The following SOX13 variants were observed in gnomAD, a reference collection of about 807,000 sequenced individuals.
SOX13 encodes the protein SRY-box transcription factor 13, also known as transcription factor SOX-13.
A neutral mutation model predicts 71.8 loss-of-function variants in SOX13; 28 were observed. The observed-to-expected ratio is 0.39, with a 90% confidence interval of 0.29 to 0.53. The LOEUF (loss-of-function observed/expected upper bound fraction) is 0.53, where lower values mean the gene tolerates loss of function less well. Among genes scored for constraint, SOX13 ranks in the 20% least tolerant of loss-of-function variants. The pLI is 0.70. For missense variants in SOX13, 627 were observed against 810.3 expected, an observed-to-expected ratio of 0.77 and a Z score of 2.75; for synonymous variants, 309 against 317.8, an observed-to-expected ratio of 0.97 and a Z score of 0.29.
chr1:204,110,609 A>G (rs1313220174), intron 1 of SOX13, among the ~76,000 whole-genome samples: 1 of 152,140 alleles, frequency 6.6e-6, no homozygotes, highest in Admixed American at 6.5e-5. Context: ...GGTTGAATCC[A>G]TGGATGTGGA....
intron 1 of SOX13, among the ~76,000 whole-genome samples, chr1:204,106,331 C>T (rs979115585): frequency 1.3e-5 from 2 of 152,126 alleles, no homozygotes; most frequent in Non-Finnish European, 2.9e-5. Flanking sequence ...ATAGTCCTAA[C>T]AGTATCCATC....
At chr1:204,079,455 C>T (rs977230460) in intron 1 of SOX13, among the ~76,000 whole-genome samples, 26 of 149,796 alleles carry the variant, frequency 1.7e-4, no homozygotes, top group African/African-American at 6.1e-4. Flanking sequence ...AAACAATTCT[C>T]CTGCCTCAGC....
chr1:204,077,235 G>A (rs1473190054), intron 1 of SOX13, among the ~76,000 whole-genome samples: 1 of 152,220 alleles, frequency 6.6e-6, no homozygotes, highest in Non-Finnish European at 1.5e-5. Context: ...GGAGAGACTG[G>A]AGAAATCAGA....
rs191518691 is a variant in SOX13, at chr1:204,081,470, G to A, written c.-2+7759G>A. On this transcript the variant is annotated intron_variant, in intron 1 of 13. Coordinates refer to ENST00000367204, the MANE Select transcript of SOX13 (RefSeq NM_005686.3). This position sits in a 1 kb window ranked among gnomAD's most constrained non-coding sequence, Gnocchi z 4.3. ...TGGTTGTGCAAATGTGTCAGACTGG[G>A]CTGATGCCCTTTCACGATGACAACT... Among the ~76,000 whole-genome samples the A allele has an allele frequency of 2.1e-3, 327 of 152,318 alleles. 1 individual carries two copies. Among genetic ancestry groups the A allele is most frequent in the Non-Finnish European group, 2.1e-3 (140 of 68,026 alleles).
At chr1:204,094,921 G>A (rs1461080331) in intron 1 of SOX13, among the ~76,000 whole-genome samples, 1 of 152,174 alleles carries the variant, frequency 6.6e-6, no homozygotes, top group African/African-American at 2.4e-5. Flanking sequence ...GCCAGCATCT[G>A]TGACCTCAAA....
Position 204,126,081 on chromosome 1 carries a change from G to T in SOX13, c.1816G>T (p.Asp606Tyr). Residue 606 changes from aspartate to tyrosine, a missense_variant, in exon 14 of 14, where the codon GAC (aspartate) becomes TAC (tyrosine). Transcript: ENST00000367204. ...GATGTACCGGTACAGCGAGGACGAG[G>T]ACTCGGAGGGCGAAGAGAAGAGCGA... ...GEMYRYSEDE[D>Y]SEGEEKSDGE... 2 of 1,614,006 alleles carry T rather than the reference G, an allele frequency of 1.2e-6. No individual in the cohort carries two copies. The highest frequency in any genetic ancestry group is 1.7e-6 in the Non-Finnish European group (2 of 1,179,888).
chr1:204,110,283 A>G (rs1453915433), intron 1 of SOX13, among the ~76,000 whole-genome samples: 1 of 149,500 alleles, frequency 6.7e-6, no homozygotes, highest in African/African-American at 2.4e-5. Context: ...GCATGCCACC[A>G]TGCCCAGCTA....
At chr1:204,095,419 G>A (rs1391801300) in intron 1 of SOX13, among the ~76,000 whole-genome samples, 1 of 152,122 alleles carries the variant, frequency 6.6e-6, no homozygotes, top group Non-Finnish European at 1.5e-5. Context: ...CTTCTAGTTG[G>A]TCGGGCAGGT....
At chr1:204,108,642 A>T (rs1656516251) in intron 1 of SOX13, among the ~76,000 whole-genome samples, 1 of 152,222 alleles carries the variant, frequency 6.6e-6, no homozygotes, top group African/African-American at 2.4e-5. Context: ...TTAGGACCCA[A>T]GTCCGGAGTG....
At position 204,117,686 on chromosome 1, in the gene SOX13, C is replaced by A; in HGVS notation, c.754C>A (p.Gln252Lys). The stretch of plus-strand genomic sequence containing the variant: ...TGACTCCCAGCTGGCCTTACCCATT[C>A]AGCCCATTCCCTGCAAACCAGGTGA... ...TPDSQLALPI[Q>K]PIPCKPVEYP... The change falls in exon 7 of 14, where the codon CAG becomes AAG. Residue 252 changes from glutamine to lysine, a missense_variant. By Grantham distance (53) the Gln-to-Lys change is moderately conservative. Coordinates refer to ENST00000367204, the MANE Select transcript of SOX13 (RefSeq NM_005686.3). 3.1e-6 allele frequency: 5 copies of A among 1,612,972 alleles called. No individual in the cohort carries two copies. Among genetic ancestry groups the A allele is most frequent in the Non-Finnish European group, 4.2e-6 (5 of 1,179,240 alleles).
At chr1:204,087,286 T>TCCC (rs1457356651) in intron 1 of SOX13, among the ~76,000 whole-genome samples, 176 of 152,362 alleles carry the variant, frequency 1.2e-3, no homozygotes, top group Non-Finnish European at 2.0e-3. Flanking sequence ...CCTGGGTAGA[T>TCCC]AAGTCAGGCT....
chr1:204,117,903 A>T (rs550509211), intron 7 of SOX13, 196 bp downstream of exon 7: 44 of 590,074 alleles, frequency 7.5e-5, no homozygotes, highest in African/African-American at 7.4e-4. Context: ...GAGAATGAAA[A>T]ACCATAAAGC....
intron 1 of SOX13, among the ~76,000 whole-genome samples, chr1:204,076,401 T>A (rs1655786176): frequency 6.6e-6 from 1 of 152,146 alleles, no homozygotes; most frequent in Non-Finnish European, 1.5e-5. Flanking sequence ...CTGGGTAGTG[T>A]CTGTGTCTCC....
Position 204,126,515 on chromosome 1 carries a change from G to GAT in SOX13, c.*381_*382insAT. ...TTCCATTCTTGTCCTGGCTGGACCA[G>GAT]CCACTGTGGGACCAACACCCCTCCC... On this transcript the variant is annotated 3_prime_UTR_variant, in exon 14 of 14. Coordinates refer to ENST00000367204, the MANE Select transcript of SOX13 (RefSeq NM_005686.3). 1 of 256,848 alleles carries GAT rather than the reference G, an allele frequency of 3.9e-6. No individual in the cohort carries two copies. The highest frequency in any genetic ancestry group is 7.6e-6 in the Non-Finnish European group (1 of 131,742). 15.9% of individuals were successfully genotyped at this position (256,848 alleles called of 1,614,324 possible). A position where few individuals can be genotyped will look rare whatever the true frequency, so the allele number is the denominator to read the frequency against.
chr1:204,092,796 G>A (rs533285393), intron 1 of SOX13, among the ~76,000 whole-genome samples: 3 of 152,254 alleles, frequency 2.0e-5, no homozygotes, highest in East Asian at 1.9e-4. Flanking sequence ...TCAGCTTCCC[G>A]GTGTGTGGTG....
intron 9 of SOX13, 49 bp from the exon 10 acceptor site, chr1:204,122,802 ATGC>A: frequency 1.7e-6 from 2 of 1,169,022 alleles, no homozygotes; most frequent in Admixed American, 4.5e-5. Context: ...TGCTGGGCTG[ATGC>A]CCTCAGCTTC....
At chr1:204,122,788 C>A in intron 9 of SOX13, 66 bp from the exon 10 acceptor site, 1 of 1,008,230 alleles carries the variant, frequency 9.9e-7, no homozygotes, top group Non-Finnish European at 1.5e-6. Flanking sequence ...GGAGTTTGGG[C>A]TCATGCTGGG....
chr1:204,096,673 C>T (rs1424705521), intron 1 of SOX13, among the ~76,000 whole-genome samples: 3 of 152,026 alleles, frequency 2.0e-5, no homozygotes, highest in Non-Finnish European at 2.9e-5. Flanking sequence ...CCTCAGACTC[C>T]CAAAGTGCTG....
intron 1 of SOX13, among the ~76,000 whole-genome samples, chr1:204,075,563 T>A (rs968903446): frequency 3.3e-5 from 5 of 152,156 alleles, no homozygotes; most frequent in Non-Finnish European, 7.3e-5. Flanking sequence ...CATGTCGTGA[T>A]CGTTTGGGGG....
Sources: allele counts gnomAD v4.1 joint callset (sites outside exome capture counted in the v4.1 genomes callset), GRCh38; gene constraint gnomAD v4.1.1; non-coding constraint Gnocchi (gnomAD v3.1); transcripts MANE v1.5; gene names NCBI Gene and HGNC (gene_info 2026-07-23, HGNC 2026-07-21).